Variants in VAC14 observed in about 807,000 individuals in gnomAD.
VAC14 encodes protein VAC14 homolog.
In VAC14, 47 loss-of-function variants were observed where a neutral mutation model predicts 85.3. The ratio of observed to expected loss-of-function variants is 0.55; its 90% CI spans 0.44 to 0.70. The LOEUF (loss-of-function observed/expected upper bound fraction) is 0.70. Ranked by LOEUF, VAC14 falls within the 30% of genes least tolerant of loss-of-function variation. The pLI, the probability that VAC14 is intolerant of heterozygous loss-of-function variation, is 0.00. For missense variants in VAC14, 861 were observed against 1,004.3 expected (o/e 0.86, Z 1.93); for synonymous variants, 447 against 430.5 (o/e 1.04, Z -0.47).
intron 1 of VAC14, among the ~76,000 whole-genome samples, chr16:70,790,200 T>A (rs1212929161): frequency 1.3e-5 from 2 of 152,220 alleles, no homozygotes; most frequent in Admixed American, 1.3e-4. Context: ...GACCCGTGTC[T>A]GCCAGGCAGG....
intron 14 of VAC14, 146 bp from the exon 15 acceptor site, chr16:70,698,957 G>A: frequency 1.7e-6 from 1 of 596,764 alleles, no homozygotes; most frequent in Non-Finnish European, 2.8e-6. Flanking sequence ...TCTGAGGCCT[G>A]TGGTTGTGGG....
intron 18 of VAC14, chr16:70,688,642 CTCACCA>C: frequency 1.0e-6 from 1 of 985,646 alleles, no homozygotes. Flanking sequence ...GAATGCCGGT[CTCACCA>C]CTGGACATGC....
intron 12 of VAC14, among the ~76,000 whole-genome samples, chr16:70,746,206 G>A (rs1371942567): frequency 6.6e-6 from 1 of 152,144 alleles, no homozygotes; most frequent in Non-Finnish European, 1.5e-5. Context: ...CCCTTTGCTT[G>A]CTCACCCATT....
intron 14 of VAC14, among the ~76,000 whole-genome samples, chr16:70,726,808 T>C (rs1406270562): frequency 1.3e-5 from 2 of 151,826 alleles, no homozygotes; most frequent in African/African-American, 4.8e-5. Context: ...AAAATGAAGG[T>C]TTTAAAGCCA....
At chr16:70,743,701 C>G (rs1308825752) in intron 13 of VAC14, among the ~76,000 whole-genome samples, 1 of 152,210 alleles carries the variant, frequency 6.6e-6, no homozygotes. Context: ...AAATTCCGGA[C>G]ACAAAAGCAT....
chr16:70,769,406 G>A (rs1222674385), intron 10 of VAC14: 1 of 152,448 alleles, frequency 6.6e-6, no homozygotes, highest in Non-Finnish European at 1.5e-5. Context: ...TCCAAGCTCA[G>A]TCTCACTGTG....
intron 18 of VAC14, 26 bp downstream of exon 18, chr16:70,692,795 G>A (rs1451211984): frequency 6.3e-7 from 1 of 1,586,934 alleles, no homozygotes. Flanking sequence ...AGGGGGCGGG[G>A]GCAGCAGTCC....
At chr16:70,755,296 G>A (rs1434565329) in intron 12 of VAC14, 2 of 262,870 alleles carry the variant, frequency 7.6e-6, no homozygotes, top group Non-Finnish European at 1.6e-5. Flanking sequence ...GAAGGAAGGT[G>A]CAGGAGAATG....
chr16:70,698,159 T>C (rs1475563373), intron 15 of VAC14, among the ~76,000 whole-genome samples: 1 of 152,150 alleles, frequency 6.6e-6, no homozygotes, highest in Non-Finnish European at 1.5e-5. Context: ...ACAGGTGCCT[T>C]AGGAGCCAGA....
chr16:70,693,140 G>A lies in VAC14; in HGVS notation c.2036-169C>T, dbSNP rs1158935030. Among the ~76,000 whole-genome samples, 6 of 152,308 alleles carry A rather than the reference G, an allele frequency of 3.9e-5. No homozygotes were observed. The East Asian group carries it at 7.8e-4, about 20-fold the overall frequency. Reference sequence around the variant, plus strand: ...CAGCCAGGTGGCTGTGGCTTCCAGCGAGTCAGGGGCTCCTTCACAGCCAGT... The same window carrying A: ...CAGCCAGGTGGCTGTGGCTTCCAGCAAGTCAGGGGCTCCTTCACAGCCAGT... On this transcript the variant is annotated intron_variant, in intron 17 of 18. Transcript: ENST00000261776.
At chr16:70,751,790 C>T (rs1472619950) in intron 12 of VAC14, among the ~76,000 whole-genome samples, 2 of 152,212 alleles carry the variant, frequency 1.3e-5, no homozygotes, top group South Asian at 2.1e-4. Context: ...CAGCTGGCAC[C>T]GGGGCCAGAG....
chr16:70,792,238 G>A (rs950377985), intron 1 of VAC14, among the ~76,000 whole-genome samples: 13 of 152,188 alleles, frequency 8.5e-5, no homozygotes, highest in Admixed American at 7.9e-4. Context: ...TGAAAACCTG[G>A]GCAGCCCCAG....
chr16:70,731,275 T>C (rs2054581793), intron 14 of VAC14: 2 of 1,318,434 alleles, frequency 1.5e-6, no homozygotes, highest in South Asian at 2.3e-5. Flanking sequence ...ATGAATTCAG[T>C]TGTGCGGAAA....
At chr16:70,800,500 A>G (rs1246682142) in intron 1 of VAC14, among the ~76,000 whole-genome samples, 1 of 152,166 alleles carries the variant, frequency 6.6e-6, no homozygotes, top group Non-Finnish European at 1.5e-5. Flanking sequence ...CACCGCACCG[A>G]AGACTCACCA....
intron 13 of VAC14, among the ~76,000 whole-genome samples, chr16:70,739,896 T>C (rs1212557345): frequency 6.6e-6 from 1 of 152,206 alleles, no homozygotes; most frequent in Non-Finnish European, 1.5e-5. Flanking sequence ...CACCCATTTT[T>C]AGAGCCAGGG....
intron 16 of VAC14, 127 bp from the exon 17 acceptor site, chr16:70,695,750 G>T: frequency 1.2e-6 from 1 of 812,678 alleles, no homozygotes; most frequent in Non-Finnish European, 2.0e-6. Context: ...AGCAGGATTT[G>T]GCGCACAAAG....
intron 12 of VAC14, among the ~76,000 whole-genome samples, chr16:70,755,549 A>G (rs1287735911): frequency 3.3e-5 from 5 of 152,184 alleles, no homozygotes; most frequent in Non-Finnish European, 7.4e-5. Context: ...TCCTCCTCAC[A>G]CCTCGGGGTA....
chr16:70,762,993 T>C lies in VAC14; in HGVS notation c.1193A>G (p.Asp398Gly), dbSNP rs746930396. 3 of 1,614,164 alleles carry C rather than the reference T, an allele frequency of 1.9e-6. No individual in the cohort carries two copies. Among genetic ancestry groups the C allele is most frequent in the African/African-American group, 1.3e-5 (1 of 75,036 alleles). The change falls in exon 11 of 19, where the codon GAC becomes GGC. Residue 398 changes from aspartate to glycine, a missense_variant. Physicochemically the swap from Asp to Gly is moderately conservative, Grantham distance 94 (BLOSUM62 -1). Transcript: ENST00000261776. This position sits in a 1 kb window ranked among gnomAD's most constrained non-coding sequence, Gnocchi z 4.1. ...TERAPVTLHL[D>G]GIVQVLNCHL... ...GCAGTTTAGGACCTGCACGATCCCG[T>C]CGAGGTGAAGGGTCACTGGGGCTCT...
intron 14 of VAC14, 86 bp from the exon 15 acceptor site, chr16:70,698,897 C>T: frequency 6.9e-7 from 1 of 1,456,064 alleles, no homozygotes; most frequent in South Asian, 1.3e-5. Context: ...CTTGGTTTTG[C>T]AGCGTCCTGG....
Sources: allele counts gnomAD v4.1 joint callset (sites outside exome capture counted in the v4.1 genomes callset), GRCh38; gene constraint gnomAD v4.1.1; non-coding constraint Gnocchi (gnomAD v3.1); transcripts MANE v1.5; gene names NCBI Gene and HGNC (gene_info 2026-07-23, HGNC 2026-07-21).